TJP1: variants seen among roughly 807,000 people sequenced by gnomAD.
TJP1 encodes tight junction protein 1.
Under a neutral mutation model 194.2 loss-of-function variants are expected in TJP1, and 43 were observed. The observed-to-expected ratio is 0.22, with a 90% CI of 0.17 to 0.29. TJP1 has a LOEUF of 0.29. Among genes scored for constraint, TJP1 ranks in the 10% least tolerant of loss-of-function variants. TJP1 has a pLI of 1.00. For synonymous variants in TJP1, 801 were observed against 779.0 expected (o/e 1.03, Z -0.47); for missense variants, 1,971 against 2,185.7 (o/e 0.90, Z 1.96).
intron 1 of TJP1, among the ~76,000 whole-genome samples, chr15:29,967,823 T>C (rs904572439): frequency 6.6e-6 from 1 of 152,228 alleles, no homozygotes; most frequent in African/African-American, 2.4e-5. Flanking sequence ...ATAAAACCTT[T>C]ATGAACTACA....
At chr15:29,807,240 T>C (rs1333358951) in intron 1 of TJP1, among the ~76,000 whole-genome samples, 1 of 152,188 alleles carries the variant, frequency 6.6e-6, no homozygotes, top group Non-Finnish European at 1.5e-5. Context: ...GCTGAAGGTC[T>C]GCTAAAAACA....
chr15:29,729,537 C>G (rs1030611394), intron 15 of TJP1: 1 of 152,012 alleles, frequency 6.6e-6, no homozygotes, highest in African/African-American at 2.4e-5. Context: ...TACTGAGGGT[C>G]GGCTGGGTGC....
chr15:29,864,496 G>T (rs947879492), intron 2 of TJP1, among the ~76,000 whole-genome samples: 6 of 152,112 alleles, frequency 3.9e-5, no homozygotes, highest in African/African-American at 1.4e-4. Context: ...CATGGCAGGG[G>T]CTTATTGAGA....
chr15:29,884,891 G>A (rs547721702), intron 2 of TJP1, among the ~76,000 whole-genome samples: 2 of 152,298 alleles, frequency 1.3e-5, no homozygotes, highest in South Asian at 4.2e-4. Flanking sequence ...CAGAGGAGGG[G>A]CTGTTCTGGC....
chr15:29,917,101 G>A (rs56906691), intron 2 of TJP1, among the ~76,000 whole-genome samples: 8 of 152,040 alleles, frequency 5.3e-5, no homozygotes, highest in East Asian at 1.9e-4. Flanking sequence ...GAACTGTCTC[G>A]TCCTATCAGG....
chr15:29,778,707 A>G (rs942874745), intron 2 of TJP1, among the ~76,000 whole-genome samples: 1 of 152,138 alleles, frequency 6.6e-6, no homozygotes, highest in Non-Finnish European at 1.5e-5. Flanking sequence ...AGATCATGCA[A>G]TATCAAACTA....
chr15:29,741,556 T>C, intron 9 of TJP1, 120 bp from the exon 10 acceptor site: 2 of 645,470 alleles, frequency 3.1e-6, no homozygotes, highest in Non-Finnish European at 2.7e-6. Context: ...ATCTACCATA[T>C]GTATTAGAGT....
intron 27 of TJP1, 47 bp from the exon 28 acceptor site, chr15:29,701,736 T>C: frequency 7.1e-7 from 1 of 1,409,302 alleles, no homozygotes; most frequent in Non-Finnish European, 1.0e-6. Context: ...AGTAAACTGC[T>C]ATCCGTAATG....
In TJP1 at chr15:29,719,761, A is replaced by C. The variant is rs2042813574; in HGVS notation, c.3003+16T>G. 3 of 1,601,106 alleles carry C rather than the reference A, an allele frequency of 1.9e-6. No individual in the cohort carries two copies. Among genetic ancestry groups the C allele is most frequent in the South Asian group, 2.2e-5 (2 of 89,006 alleles). On this transcript the variant is annotated intron_variant, in intron 20 of 27. Coordinates refer to ENST00000614355, the MANE Select transcript of TJP1 (RefSeq NM_001330239.4). ...ATGGACAGCAACAAATTAGTGCAAC[A>C]CCGCAGCACAGGTACCTTTGTTGGA...
At chr15:29,780,262 C>T (rs2047279027) in intron 2 of TJP1, among the ~76,000 whole-genome samples, 1 of 151,776 alleles carries the variant, frequency 6.6e-6, no homozygotes, top group Non-Finnish European at 1.5e-5. Context: ...CAGTGGGAGC[C>T]CTGAGCTAGT....
chr15:29,724,395 A>G (rs2337167), intron 18 of TJP1, among the ~76,000 whole-genome samples: 112,542 of 152,112 alleles, frequency 0.74, 42,742 homozygotes, highest in East Asian at 0.86. Flanking sequence ...CTAATCTTTA[A>G]CTTGCCAGGG....
At chr15:29,851,905 G>A (rs988946279) in intron 2 of TJP1, among the ~76,000 whole-genome samples, 1 of 152,214 alleles carries the variant, frequency 6.6e-6, no homozygotes, top group African/African-American at 2.4e-5. Context: ...GATAAATGGT[G>A]CTACAGCACC....
intron 1 of TJP1, 85 bp from the exon 2 acceptor site, chr15:29,800,787 AC>A (rs2048732891): frequency 7.9e-7 from 1 of 1,271,428 alleles, no homozygotes; most frequent in South Asian, 1.3e-5. Flanking sequence ...ACAATTCAGC[AC>A]ACTGAAATAC....
chr15:29,849,194 C>G (rs2051538584), intron 2 of TJP1, among the ~76,000 whole-genome samples: 1 of 152,134 alleles, frequency 6.6e-6, no homozygotes, highest in Non-Finnish European at 1.5e-5. Context: ...ACGAAATCTA[C>G]ATACAGCACT....
chr15:29,965,408 C>T (rs1399068966), intron 1 of TJP1, among the ~76,000 whole-genome samples: 1 of 152,110 alleles, frequency 6.6e-6, no homozygotes, highest in African/African-American at 2.4e-5. Context: ...GACAGGGTTT[C>T]ACCATATTGA....
In TJP1 at chr15:29,854,146, A is replaced by T. The variant is rs528205871; in HGVS notation, c.307-53444T>A. Among the ~76,000 whole-genome samples the T allele has an allele frequency of 7.5e-4, 114 of 152,300 alleles. 2 individuals are homozygous for T. The highest frequency in any genetic ancestry group is 6.8e-3 in the Middle Eastern group (2 of 294). On this transcript the variant is annotated intron_variant, in intron 2 of 28. Transcript: ENST00000356107. ...ACCAAACTCTAAATCCATGTGCAAAATGTAATATTTTATACACCATATAAA... is the reference window on the plus strand; with the variant it reads ...ACCAAACTCTAAATCCATGTGCAAATTGTAATATTTTATACACCATATAAA...
At chr15:29,846,930 A>G (rs1178302061) in intron 2 of TJP1, among the ~76,000 whole-genome samples, 1 of 146,764 alleles carries the variant, frequency 6.8e-6, no homozygotes, top group Non-Finnish European at 1.5e-5. Flanking sequence ...CGTCTCAAAG[A>G]AAAAAAAGAA....
At chr15:29,953,871 T>C (rs1207458946) in intron 2 of TJP1, among the ~76,000 whole-genome samples, 2 of 152,188 alleles carry the variant, frequency 1.3e-5, no homozygotes, top group African/African-American at 4.8e-5. Context: ...CAATGCACTC[T>C]TCAGAAGTAG....
intron 2 of TJP1, among the ~76,000 whole-genome samples, chr15:29,924,194 T>A (rs939978): frequency 0.19 from 28,829 of 151,882 alleles, 2,817 homozygotes; most frequent in East Asian, 0.34. Flanking sequence ...CCCACCTCAG[T>A]CTCCCAAGTA....
Sources: allele counts gnomAD v4.1 joint callset (sites outside exome capture counted in the v4.1 genomes callset), GRCh38; gene constraint gnomAD v4.1.1; transcripts MANE v1.5; gene names NCBI Gene and HGNC (gene_info 2026-07-23, HGNC 2026-07-21).